CSNK1G1: variants seen among roughly 807,000 people sequenced by gnomAD.
The protein encoded by CSNK1G1 is casein kinase I isoform gamma-1.
Under a neutral mutation model 59.6 loss-of-function variants are expected in CSNK1G1, and 22 were observed. That is an observed-to-expected ratio of 0.37 (90% CI 0.26 to 0.53). The LOEUF (loss-of-function observed/expected upper bound fraction) is 0.53. Among genes scored for constraint, CSNK1G1 ranks in the 20% least tolerant of loss-of-function variants. The probability of loss-of-function intolerance (pLI) is 0.89; values close to 1 mark genes in which losing one functional copy is unlikely to be tolerated. For missense variants in CSNK1G1, 384 were observed against 519.5 expected, an observed-to-expected ratio of 0.74 and a Z score of 2.54; for synonymous variants, 179 against 177.1, an observed-to-expected ratio of 1.01 and a Z score of -0.08.
rs1224971388 is a variant in CSNK1G1, at chr15:64,203,122, T to C, written c.1067A>G (p.His356Arg). Residue 356 changes from histidine to arginine, a missense_variant, in exon 10 of 12, where the codon CAT (histidine) becomes CGT (arginine). By Grantham distance (29) the His-to-Arg change is conservative. This residue lies in a region of CSNK1G1 where 325 missense variants were observed against 440.9 expected (regional missense o/e 0.74). Coordinates refer to ENST00000303052, the MANE Select transcript of CSNK1G1 (RefSeq NM_022048.5). ...CTGCTGTTGTGATGGCCGATCCCTA[T>C]GTGTGTGGCTTTCTCGAGTTATTGC... ...ASAITRESHT[H>R]RDRPSQQQPL... 2.5e-6 allele frequency: 4 copies of C among 1,614,064 alleles called. No individual in the cohort carries two copies. The highest frequency in any genetic ancestry group is 2.2e-5 in the South Asian group (2 of 91,082).
intron 2 of CSNK1G1, among the ~76,000 whole-genome samples, chr15:64,272,955 C>T (rs1433619195): frequency 6.6e-6 from 1 of 152,212 alleles, no homozygotes; most frequent in Non-Finnish European, 1.5e-5. Flanking sequence ...CCACCCACCT[C>T]GGCTTCCCAA....
intron 2 of CSNK1G1, among the ~76,000 whole-genome samples, chr15:64,278,408 GTGTGTGTGTGTATATATA>G (rs1566930917): frequency 2.7e-4 from 35 of 131,912 alleles, no homozygotes; most frequent in South Asian, 9.4e-4. Context: ...GTGTGTGTGT[GTGTGTGTGTGTATATATA>G]TATATATTTT....
At position 64,188,845 on chromosome 15, in the gene CSNK1G1, T is replaced by C. The variant is rs907705210; in HGVS notation, c.1108-8391A>G. Among the ~76,000 whole-genome samples the C allele has an allele frequency of 4.6e-5, 7 of 152,238 alleles. No homozygotes were observed. The highest frequency in any genetic ancestry group is 1.0e-4 in the Non-Finnish European group (7 of 68,010). ...GCAGATCAAACTCAGAATGTTAAGA[T>C]TGTTCGGAGTGGTGGCATACGCCTA... is the stretch of plus-strand genomic sequence containing the variant. On this transcript the variant is annotated intron_variant, in intron 10 of 11. Transcript: ENST00000303052. This position sits in a 1 kb window ranked among gnomAD's most constrained non-coding sequence, Gnocchi z 4.2.
At chr15:64,278,430 ATATT>A (rs1441120177) in intron 2 of CSNK1G1, among the ~76,000 whole-genome samples, 1 of 121,006 alleles carries the variant, frequency 8.3e-6, no homozygotes. Flanking sequence ...ATATATATAT[ATATT>A]TTTTTTTTTT....
chr15:64,292,209 CAAA>C (rs771506245), intron 2 of CSNK1G1, among the ~76,000 whole-genome samples: 6 of 55,174 alleles, frequency 1.1e-4, no homozygotes, highest in Admixed American at 2.0e-4. Context: ...GACTCCGTCA[CAAA>C]AAAAAAAAAA....
intron 4 of CSNK1G1, among the ~76,000 whole-genome samples, chr15:64,242,286 T>C (rs983811636): frequency 2.0e-5 from 3 of 152,206 alleles, no homozygotes; most frequent in African/African-American, 4.8e-5. Flanking sequence ...TCATGTGGAA[T>C]TGTAATCTCC....
chr15:64,303,796 T>TG (rs1247755061), intron 1 of CSNK1G1, among the ~76,000 whole-genome samples: 1 of 149,596 alleles, frequency 6.7e-6, no homozygotes, highest in Non-Finnish European at 1.5e-5. Flanking sequence ...CGCACACCTG[T>TG]GGTCCCAGTG....
intron 1 of CSNK1G1, among the ~76,000 whole-genome samples, chr15:64,314,832 G>A (rs1896185936): frequency 6.6e-6 from 1 of 152,162 alleles, no homozygotes; most frequent in Non-Finnish European, 1.5e-5. Flanking sequence ...GGCTGAATAT[G>A]TATATGTGTG....
intron 4 of CSNK1G1, among the ~76,000 whole-genome samples, chr15:64,237,883 C>T (rs560052783): frequency 1.3e-5 from 2 of 152,146 alleles, no homozygotes; most frequent in Non-Finnish European, 2.9e-5. Flanking sequence ...AGCCTGATAA[C>T]CTCTATTAAC....
intron 3 of CSNK1G1, among the ~76,000 whole-genome samples, chr15:64,254,225 G>C (rs999847603): frequency 3.3e-5 from 5 of 152,064 alleles, no homozygotes; most frequent in Non-Finnish European, 7.4e-5. Context: ...CAAGGGGTTG[G>C]GGGGAGGGGA....
chr15:64,261,048 C>T (rs1892661822), intron 2 of CSNK1G1, among the ~76,000 whole-genome samples: 1 of 152,084 alleles, frequency 6.6e-6, no homozygotes, highest in Admixed American at 6.6e-5. Flanking sequence ...ATAGTGTTTG[C>T]ATTAACCTTC....
chr15:64,285,926 T>C (rs1163145390), intron 2 of CSNK1G1, among the ~76,000 whole-genome samples: 1 of 151,724 alleles, frequency 6.6e-6, no homozygotes, highest in African/African-American at 2.4e-5. Flanking sequence ...AAGTCCAAAA[T>C]CTCTATCATG....
At chr15:64,290,204 G>A (rs1396075810) in intron 2 of CSNK1G1, among the ~76,000 whole-genome samples, 1 of 151,918 alleles carries the variant, frequency 6.6e-6, no homozygotes, top group Non-Finnish European at 1.5e-5. Flanking sequence ...TCACTAATGG[G>A]TACCTACCCA....
At chr15:64,299,315 G>A (rs944113869) in intron 2 of CSNK1G1, among the ~76,000 whole-genome samples, 14 of 152,188 alleles carry the variant, frequency 9.2e-5, no homozygotes, top group Middle Eastern at 3.4e-3. Context: ...ATGGCCGGGC[G>A]CGGTGGCTCA....
At chr15:64,206,479 C>T (rs1366780410) in intron 7 of CSNK1G1, among the ~76,000 whole-genome samples, 1 of 149,754 alleles carries the variant, frequency 6.7e-6, no homozygotes, top group Non-Finnish European at 1.5e-5. Context: ...TGGTGGCATG[C>T]ACCTGTAATC....
chr15:64,288,423 T>C (rs1326931725), intron 2 of CSNK1G1, among the ~76,000 whole-genome samples: 1 of 151,962 alleles, frequency 6.6e-6, no homozygotes, highest in East Asian at 1.9e-4. Context: ...AATAAGGAGG[T>C]ATCTAGACGA....
intron 2 of CSNK1G1, among the ~76,000 whole-genome samples, chr15:64,261,020 G>A (rs1176815666): frequency 1.3e-5 from 2 of 152,060 alleles, no homozygotes; most frequent in Non-Finnish European, 2.9e-5. Flanking sequence ...GTCAAAAATA[G>A]GCATTTCTCT....
chr15:64,239,404 C>A (rs1437331535), intron 4 of CSNK1G1, among the ~76,000 whole-genome samples: 2 of 152,076 alleles, frequency 1.3e-5, no homozygotes, highest in African/African-American at 4.8e-5. Flanking sequence ...GAGACAGGAT[C>A]TCACTCTGTC....
intron 4 of CSNK1G1, 161 bp downstream of exon 4, chr15:64,251,351 C>T (rs1308384898): frequency 9.2e-6 from 5 of 546,148 alleles, no homozygotes; most frequent in African/African-American, 5.7e-5. Context: ...GGAACCAGAG[C>T]GCAAGTAGCT....
Sources: gnomAD v4.1 joint callset for allele counts (sites outside exome capture counted in the v4.1 genomes callset) on GRCh38, gnomAD v4.1.1 for gene constraint, gnomAD v4.1.1 regional missense constraint, Gnocchi (gnomAD v3.1) non-coding constraint, MANE v1.5 for transcripts, NCBI Gene and HGNC (gene_info 2026-07-23, HGNC 2026-07-21) for gene names.